The following IFNGR1 variants were observed in gnomAD, a reference collection of about 807,000 sequenced individuals.
The protein encoded by IFNGR1 is interferon gamma receptor 1.
In IFNGR1, 23 loss-of-function variants were observed where a neutral mutation model predicts 35.4. The ratio of observed to expected loss-of-function variants is 0.65; its 90% CI spans 0.47 to 0.92. IFNGR1 has a LOEUF of 0.92. Ranked by LOEUF, IFNGR1 falls within the 40% of genes least tolerant of loss-of-function variation. IFNGR1 has a pLI of 0.00. For missense variants in IFNGR1, 533 were observed against 583.4 expected, an observed-to-expected ratio of 0.91 and a Z score of 0.89; for synonymous variants, 199 against 209.5, an observed-to-expected ratio of 0.95 and a Z score of 0.43.
rs1420695994 is a variant in IFNGR1 at position 137,198,152 on chromosome 6, T to G, written c.1349A>C (p.Lys450Thr). ...TEGQELITVI[K>T]APTSFGYDKP... ...ATCATAACCAAAGGAGGTGGGGGCT[T>G]TTATTACGGTTATGAGCTCTTGTCC... The change falls in exon 7 of 7, where the codon AAA becomes ACA. Residue 450 changes from lysine (K) to threonine (T), a missense_variant. Transcript: ENST00000367739. The G allele has an allele frequency of 6.8e-6, 11 of 1,613,988 alleles. No homozygotes were observed. The highest frequency in any genetic ancestry group is 9.3e-6 in the Non-Finnish European group (11 of 1,180,028).
chr6:137,212,234 G>A (rs1779592364), intron 1 of IFNGR1, among the ~76,000 whole-genome samples: 1 of 152,124 alleles, frequency 6.6e-6, no homozygotes. Flanking sequence ...TTCCAAGACT[G>A]GAAATCCTTT....
chr6:137,215,431 A>T lies in IFNGR1; in HGVS notation c.85+3812T>A, dbSNP rs146286192. Reference sequence around the variant, plus strand: ...GAATAATTTCTTAAAAATACACAAGACCTAAACAGATACCTAGTATTCTGA... The same window carrying T: ...GAATAATTTCTTAAAAATACACAAGTCCTAAACAGATACCTAGTATTCTGA... On this transcript the variant is annotated intron_variant, in intron 1 of 6. Coordinates refer to ENST00000367739, the MANE Select transcript of IFNGR1 (RefSeq NM_000416.3). The T allele has an allele frequency of 2.7e-5, 31 of 1,148,936 alleles. No homozygotes were observed. The African/African-American group carries it at 3.1e-4, about 12-fold the overall frequency. 71.2% of individuals were successfully genotyped at this position (1,148,936 alleles called of 1,614,324 possible). A position where few individuals can be genotyped will look rare whatever the true frequency, so the allele number is the denominator to read the frequency against.
At chr6:137,201,769 C>T (rs1167275517) in intron 5 of IFNGR1, among the ~76,000 whole-genome samples, 1 of 152,106 alleles carries the variant, frequency 6.6e-6, no homozygotes, top group Non-Finnish European at 1.5e-5. Flanking sequence ...TTTCCTGTTA[C>T]ATTTATTTCA....
chr6:137,205,625 A>G (rs1779409640), intron 3 of IFNGR1, among the ~76,000 whole-genome samples: 1 of 152,204 alleles, frequency 6.6e-6, no homozygotes, highest in African/African-American at 2.4e-5. Context: ...ATGAATGACA[A>G]AAGATGGGAA....
intron 6 of IFNGR1, among the ~76,000 whole-genome samples, chr6:137,199,724 A>ATC (rs1026178800): frequency 3.4e-5 from 5 of 148,064 alleles, no homozygotes; most frequent in African/African-American, 1.2e-4. Context: ...AAGTGGGCAC[A>ATC]TCTACTTAAG....
chr6:137,198,513 T>C lies in IFNGR1; in HGVS notation c.988A>G (p.Thr330Ala), dbSNP rs372635142. Residue 330 changes from threonine (T) to alanine (A), a missense_variant, in exon 7 of 7, where the codon ACA becomes GCA. Coordinates refer to ENST00000367739, the MANE Select transcript of IFNGR1 (RefSeq NM_000416.3). ...TCTTCGGTATGCATGCCTGGAACTG[T>C]TGCTGGAGACAACGGCTCTTCACAG... ...VVCEEPLSPA[T>A]VPGMHTEDNP... The C allele has an allele frequency of 3.8e-5, 62 of 1,614,156 alleles. No homozygotes were observed. The African/African-American group carries it at 4.1e-4, about 11-fold the overall frequency.
At chr6:137,206,937 A>G (rs2114489771) in intron 2 of IFNGR1, 26 bp downstream of exon 2, 2 of 1,540,734 alleles carry the variant, frequency 1.3e-6, no homozygotes, top group Non-Finnish European at 1.8e-6. Flanking sequence ...TGGAATAAAA[A>G]GGATAAATAA....
chr6:137,205,665 C>T (rs1779410960), intron 3 of IFNGR1, among the ~76,000 whole-genome samples: 1 of 152,092 alleles, frequency 6.6e-6, no homozygotes, highest in Non-Finnish European at 1.5e-5. Flanking sequence ...GACCGCTGGG[C>T]AGCACAGACC....
At chr6:137,199,021 G>T (rs1359008680) in intron 6 of IFNGR1, among the ~76,000 whole-genome samples, 1 of 151,958 alleles carries the variant, frequency 6.6e-6, no homozygotes, top group Non-Finnish European at 1.5e-5. Context: ...TAACCCGAAT[G>T]GGCACAATCT....
rs1779439118 is a variant in IFNGR1, at chr6:137,206,724, T to A, written c.200+239A>T. The A allele has an allele frequency of 5.7e-5, 30 of 529,810 alleles. No individual in the cohort carries two copies. The South Asian group carries it at 7.4e-4, about 13-fold the overall frequency. 32.8% of individuals were successfully genotyped at this position (529,810 alleles called of 1,614,324 possible). A position where few individuals can be genotyped will look rare whatever the true frequency, so the allele number is the denominator to read the frequency against. ...ATGACATAGTAACTATTAGCTTTAT[T>A]TGTCATGCTAATCTCAGAAGTTTAG... On this transcript the variant is annotated intron_variant, in intron 2 of 6. Coordinates refer to ENST00000367739, the MANE Select transcript of IFNGR1 (RefSeq NM_000416.3).
intron 1 of IFNGR1, among the ~76,000 whole-genome samples, chr6:137,215,800 C>T (rs1202108134): frequency 6.6e-6 from 1 of 152,208 alleles, no homozygotes; most frequent in East Asian, 1.9e-4. Flanking sequence ...CAGCCTAGAC[C>T]TCCTGGGCTC....
rs2114442667 is a variant in IFNGR1 at position 137,198,290 on chromosome 6, T to A, written c.1211A>T (p.Glu404Val). The A allele has an allele frequency of 6.2e-7, 1 of 1,613,992 alleles. No homozygotes were observed. Among genetic ancestry groups the A allele is most frequent in the Non-Finnish European group, 8.5e-7 (1 of 1,180,012 alleles). ...LNSYHSRNCS[E>V]SDHSRNGFDT... ...AAAACCATTTCTGGAGTGATCACTC[T>A]CAGAACAATTTCTGGAGTGATACGA... The change falls in exon 7 of 7, where the codon GAG (glutamate) becomes GTG (valine). Residue 404 changes from glutamate (E) to valine (V), a missense_variant. Coordinates refer to ENST00000367739, the MANE Select transcript of IFNGR1 (RefSeq NM_000416.3).
At chr6:137,213,509 T>C (rs964854055) in intron 1 of IFNGR1, among the ~76,000 whole-genome samples, 27 of 151,450 alleles carry the variant, frequency 1.8e-4, no homozygotes, top group Non-Finnish European at 3.7e-4. Context: ...TTAATTACAA[T>C]GCAGAAAAAA....
intron 1 of IFNGR1, chr6:137,215,235 G>A (rs2114514633): frequency 1.3e-6 from 2 of 1,539,824 alleles, no homozygotes; most frequent in African/African-American, 1.4e-5. Flanking sequence ...CAACATCTTT[G>A]TGATCGTTTA....
chr6:137,198,500 A>G lies in IFNGR1; in HGVS notation c.1001T>C (p.Met334Thr). The G allele has an allele frequency of 3.7e-6, 6 of 1,614,166 alleles. No individual in the cohort carries two copies. The highest frequency in any genetic ancestry group is 5.1e-6 in the Non-Finnish European group (6 of 1,180,018). The change falls in exon 7 of 7, where the codon ATG becomes ACG. Residue 334 changes from methionine to threonine, a missense_variant. Physicochemically the swap from Met to Thr is moderately conservative, Grantham distance 81. Coordinates refer to ENST00000367739, the MANE Select transcript of IFNGR1 (RefSeq NM_000416.3). ...TTTTCCTGGATTGTCTTCGGTATGC[A>G]TGCCTGGAACTGTTGCTGGAGACAA... ...EPLSPATVPG[M>T]HTEDNPGKVE...
At chr6:137,203,868 ATC>A in intron 4 of IFNGR1, 183 bp from the exon 5 acceptor site, 2 of 622,870 alleles carry the variant, frequency 3.2e-6, no homozygotes, top group Non-Finnish European at 2.8e-6. Flanking sequence ...GATACTATGC[ATC>A]TGTTATATTC....
chr6:137,204,517 G>A lies in IFNGR1; in HGVS notation c.374-13C>T, dbSNP rs1188719239. On this transcript the variant is annotated splice_polypyrimidine_tract_variant and intron_variant, in intron 3 of 6. Coordinates refer to ENST00000367739, the MANE Select transcript of IFNGR1 (RefSeq NM_000416.3). ...GGTCCAATTTTTCCTGGGGAAGGAG[G>A]AGGAGGAAGTATAATAAATACTGGC... 1.2e-6 allele frequency: 2 copies of A among 1,603,734 alleles called. No homozygotes were observed. Among genetic ancestry groups the A allele is most frequent in the African/African-American group, 2.7e-5 (2 of 74,714 alleles).
intron 1 of IFNGR1, among the ~76,000 whole-genome samples, chr6:137,210,179 T>A (rs1397024561): frequency 6.6e-6 from 1 of 151,968 alleles, no homozygotes; most frequent in Non-Finnish European, 1.5e-5. Context: ...AATTAAAAAA[T>A]TAGCCAGGTG....
chr6:137,197,703 T>G lies in IFNGR1; in HGVS notation c.*328A>C, dbSNP rs1779118720. 1 of 223,640 alleles carries G rather than the reference T, an allele frequency of 4.5e-6. No individual in the cohort carries two copies. The highest frequency in any genetic ancestry group is 9.0e-6 in the Non-Finnish European group (1 of 111,164). The allele number at this position is 223,640 out of a possible 1,614,324, so 13.9% of individuals were successfully genotyped here. A position where few individuals can be genotyped will look rare whatever the true frequency, so the allele number is the denominator to read the frequency against. ...ACCAAGGCAGAGAAAAGAAAAAAAG[T>G]GAAGTGGCTACAAAGGTCCCTGGGG... On this transcript the variant is annotated 3_prime_UTR_variant, in exon 7 of 7. Transcript: ENST00000367739.
Sources: gnomAD v4.1 joint callset for allele counts (sites outside exome capture counted in the v4.1 genomes callset) on GRCh38, gnomAD v4.1.1 for gene constraint, MANE v1.5 for transcripts, NCBI Gene and HGNC (gene_info 2026-07-23, HGNC 2026-07-21) for gene names.